Variants in GEM observed in about 807,000 individuals in gnomAD.
GEM encodes the protein GTP binding protein overexpressed in skeletal muscle, also known as GTP-binding protein GEM.
Under a neutral mutation model 33.0 loss-of-function variants are expected in GEM, and 31 were observed. That is an observed-to-expected ratio of 0.94 (90% CI 0.71 to 1.27). GEM has a LOEUF of 1.27. GEM is among the 50% of genes most tolerant of loss of function. The pLI is 0.00. For missense variants in GEM, 354 were observed against 390.5 expected, an observed-to-expected ratio of 0.91 and a Z score of 0.79; for synonymous variants, 141 against 143.7, an observed-to-expected ratio of 0.98 and a Z score of 0.13.
In GEM at chr8:94,252,215, A is replaced by T. The variant is rs1479417746; in HGVS notation, c.417T>A (p.Asn139Lys). The T allele has an allele frequency of 1.9e-6, 3 of 1,605,476 alleles. No individual in the cohort carries two copies. Among genetic ancestry groups the T allele is most frequent in the South Asian group, 2.2e-5 (2 of 90,918 alleles). ...LLDMWENKGE[N>K]EWLHDHCMQV... ...GCATGCAGTGGTCATGGAGCCATTCATTTTCCCCCTAATGAAACAATAAGA... is the reference window on the plus strand; with the variant it reads ...GCATGCAGTGGTCATGGAGCCATTCTTTTTCCCCCTAATGAAACAATAAGA... Residue 139 changes from asparagine to lysine, a missense_variant, in exon 4 of 5, where the codon AAT becomes AAA. Transcript: ENST00000297596.
rs1238887498 is a variant in GEM, at chr8:94,249,652, C to G, written c.*658G>C. 1 of 151,350 alleles carries G rather than the reference C, an allele frequency of 6.6e-6. No homozygotes were observed. Among genetic ancestry groups the G allele is most frequent in the East Asian group, 1.9e-4 (1 of 5,146 alleles). The allele number at this position is 151,350 out of a possible 1,614,324, so 9.4% of individuals were successfully genotyped here. A position where few individuals can be genotyped will look rare whatever the true frequency, so the allele number is the denominator to read the frequency against. ...AGAATCTGATTCAAATAATTTCCCC[C>G]TAAATAAGAAATTGTAAGATATAAT... is the stretch of plus-strand genomic sequence containing the variant. On this transcript the variant is annotated 3_prime_UTR_variant, in exon 5 of 5. Transcript: ENST00000297596.
Position 94,260,237 on chromosome 8 carries a change from G to A in GEM, c.267C>T (p.Ser89=). 6.2e-7 allele frequency: 1 copy of A among 1,613,312 alleles called. No individual in the cohort carries two copies. Among genetic ancestry groups the A allele is most frequent in the Non-Finnish European group, 8.5e-7 (1 of 1,179,278 alleles). Residue 89 remains serine, a synonymous_variant, in exon 2 of 5, where the codon TCC becomes TCT. Transcript: ENST00000297596. ...VLIGEQGVGK[S]TLANIFAGVH... ...CACCTGCAAAGATGTTGGCCAGAGT[G>A]GACTTGCCCACCCCCTGCTCCCCTA...
intron 2 of GEM, among the ~76,000 whole-genome samples, chr8:94,253,772 G>T (rs576745918): frequency 2.6e-5 from 4 of 152,204 alleles, no homozygotes; most frequent in Admixed American, 6.5e-5. Context: ...CCCTGCACTT[G>T]AGCCCAGATC....
chr8:94,252,272 AAAGCATC>A (rs1209135585), intron 3 of GEM, 49 bp from the exon 4 acceptor site: 1 of 1,247,902 alleles, frequency 8.0e-7, no homozygotes, highest in South Asian at 1.2e-5. Context: ...CCTGGGGAAT[AAAGCATC>A]AGTTTGCAAA....
At chr8:94,256,010 G>A (rs1315948442) in intron 2 of GEM, among the ~76,000 whole-genome samples, 1 of 151,988 alleles carries the variant, frequency 6.6e-6, no homozygotes, top group African/African-American at 2.4e-5. Context: ...CCTCTCCCTG[G>A]GCTTCCGTTT....
chr8:94,253,280 A>G (rs1361066952), intron 2 of GEM, among the ~76,000 whole-genome samples, 168 bp from the exon 3 acceptor site: 1 of 152,224 alleles, frequency 6.6e-6, no homozygotes, highest in Non-Finnish European at 1.5e-5. Flanking sequence ...GTCACCTTCA[A>G]CAACATTCTA....
At chr8:94,251,271 T>G (rs1808763863) in intron 4 of GEM, among the ~76,000 whole-genome samples, 1 of 152,236 alleles carries the variant, frequency 6.6e-6, no homozygotes, top group African/African-American at 2.4e-5. Flanking sequence ...ATTTCAAGTA[T>G]TTCATTGCAT....
chr8:94,256,863 C>T (rs1242830096), intron 2 of GEM, among the ~76,000 whole-genome samples: 1 of 152,202 alleles, frequency 6.6e-6, no homozygotes, highest in Non-Finnish European at 1.5e-5. Context: ...GCTCCATGCT[C>T]AACATGTTAT....
chr8:94,252,037 G>T lies in GEM; in HGVS notation c.595C>A (p.Arg199=), dbSNP rs138582164. Residue 199 remains arginine (R), a synonymous_variant, in exon 4 of 5, where the codon CGA becomes AGA. Transcript: ENST00000297596. The stretch of plus-strand genomic sequence containing the variant: ...CTCTTACCTGATACAGACACTTCTC[G>T]GCACCGCACTAAGTCACTTTTGTTG... ...VGNKSDLVRC[R]EVSVSEGRAC... is the part of the protein sequence containing the mutation. 4 of 1,613,160 alleles carry T rather than the reference G, an allele frequency of 2.5e-6. No homozygotes were observed. The highest frequency in any genetic ancestry group is 3.4e-6 in the Non-Finnish European group (4 of 1,179,126).
chr8:94,252,086 C>A lies in GEM; in HGVS notation c.546G>T (p.Glu182Asp). 2 of 1,614,180 alleles carry A rather than the reference C, an allele frequency of 1.2e-6. No individual in the cohort carries two copies. Among genetic ancestry groups the A allele is most frequent in the South Asian group, 2.2e-5 (2 of 91,084 alleles). ...RIQLRRARQT[E>D]DIPIILVGNK... Reference sequence around the variant, plus strand: ...TGCCAACCAAAATTATGGGAATGTCCTCTGTCTGCCGGGCCCTGCGGAGCT... The same window carrying A: ...TGCCAACCAAAATTATGGGAATGTCATCTGTCTGCCGGGCCCTGCGGAGCT... Residue 182 changes from glutamate to aspartate, a missense_variant, in exon 4 of 5, where the codon GAG becomes GAT. Coordinates refer to ENST00000297596, the MANE Select transcript of GEM (RefSeq NM_005261.4).
chr8:94,255,651 G>A (rs1485885940), intron 2 of GEM, among the ~76,000 whole-genome samples: 2 of 152,112 alleles, frequency 1.3e-5, no homozygotes, highest in Non-Finnish European at 2.9e-5. Flanking sequence ...TGAGAAGAAG[G>A]GAAGGAAAAG....
chr8:94,253,261 C>A (rs1026417044), intron 2 of GEM, 149 bp from the exon 3 acceptor site: 1 of 609,802 alleles, frequency 1.6e-6, no homozygotes, highest in Non-Finnish European at 2.9e-6. Context: ...AGGCAAATTA[C>A]TATTTTTTGT....
rs557181794 is a variant in GEM at position 94,250,362 on chromosome 8, T to G, written c.839A>C (p.Asn280Thr). ...WGKIVAKNNK[N>T]MAFKLKSKSC... ...TTTGGACTTGAGCTTGAAGGCCATA[T>G]TCTTGTTGTTTTTGGCCACGATCTT... Residue 280 changes from asparagine to threonine, a missense_variant, in exon 5 of 5, where the codon AAT (asparagine) becomes ACT (threonine). Coordinates refer to ENST00000297596, the MANE Select transcript of GEM (RefSeq NM_005261.4). The G allele has an allele frequency of 6.2e-7, 1 of 1,614,082 alleles. No homozygotes were observed. Among genetic ancestry groups the G allele is most frequent in the East Asian group, 2.2e-5 (1 of 44,884 alleles).
intron 2 of GEM, among the ~76,000 whole-genome samples, chr8:94,257,255 A>G (rs1211957622): frequency 6.6e-6 from 1 of 151,520 alleles, no homozygotes; most frequent in Non-Finnish European, 1.5e-5. Flanking sequence ...ATCTCGACTC[A>G]CTGCAATCTC....
intron 2 of GEM, among the ~76,000 whole-genome samples, chr8:94,253,911 C>T (rs149862676): frequency 7.4e-4 from 112 of 152,264 alleles, no homozygotes; most frequent in African/African-American, 2.6e-3. Flanking sequence ...TCCCTCATCC[C>T]AATACCATTG....
intron 4 of GEM, 84 bp from the exon 5 acceptor site, chr8:94,250,671 A>C: frequency 8.8e-7 from 1 of 1,141,342 alleles, no homozygotes; most frequent in South Asian, 1.6e-5. Context: ...TCTTCGAGGT[A>C]ACACTAAGTC....
chr8:94,260,978 C>A (rs1182737552), intron 1 of GEM, among the ~76,000 whole-genome samples: 2 of 152,206 alleles, frequency 1.3e-5, no homozygotes. Flanking sequence ...CAGTGTCCAG[C>A]AGGTTTTGTG....
chr8:94,253,115 A>C lies in GEM; in HGVS notation c.332-3T>G. ...CAGGGTTCGTTCATATGTATCTTCT[A>C]GAGAAGAAAGAACAAAGATATTGGA... On this transcript the variant is annotated splice_polypyrimidine_tract_variant and splice_region_variant and intron_variant, in intron 2 of 4. Transcript: ENST00000297596. The C allele has an allele frequency of 6.5e-7, 1 of 1,526,746 alleles. No individual in the cohort carries two copies. Among genetic ancestry groups the C allele is most frequent in the Non-Finnish European group, 9.1e-7 (1 of 1,100,772 alleles). 94.6% of individuals were successfully genotyped at this position (1,526,746 alleles called of 1,614,324 possible).
At chr8:94,256,982 T>C (rs1808903772) in intron 2 of GEM, among the ~76,000 whole-genome samples, 1 of 152,028 alleles carries the variant, frequency 6.6e-6, no homozygotes, top group African/African-American at 2.4e-5. Flanking sequence ...GCCAAGTCAG[T>C]GTCAGAGCTG....
Sources: allele counts gnomAD v4.1 joint callset (sites outside exome capture counted in the v4.1 genomes callset), GRCh38; gene constraint gnomAD v4.1.1; transcripts MANE v1.5; gene names NCBI Gene and HGNC (gene_info 2026-07-23, HGNC 2026-07-21).